The following PCDHGB7 variants were observed in gnomAD, a reference collection of about 807,000 sequenced individuals.
PCDHGB7 encodes protocadherin gamma subfamily B, 7.
Under a neutral mutation model 61.4 loss-of-function variants are expected in PCDHGB7, and 37 were observed. The observed-to-expected ratio is 0.60, with a 90% confidence interval of 0.46 to 0.79. The LOEUF is 0.79. PCDHGB7 is among the 30% of genes least tolerant of loss of function. PCDHGB7 has a pLI of 0.00. For missense variants in PCDHGB7, 1,166 were observed against 1,202.5 expected (o/e 0.97, Z 0.45); for synonymous variants, 464 against 503.5 (o/e 0.92, Z 1.05).
At position 141,476,395 on chromosome 5, in the gene PCDHGB7, T is replaced by C. The variant is rs545562470; in HGVS notation, c.2416-18412T>C. 4 of 1,614,020 alleles carry C rather than the reference T, an allele frequency of 2.5e-6. 1 individual carries two copies. In the South Asian group the frequency reaches 4.4e-5, roughly 18 times the overall value. On this transcript the variant is annotated intron_variant, in intron 1 of 3. Transcript: ENST00000398594. This position sits in a 1 kb window ranked among gnomAD's most constrained non-coding sequence, Gnocchi z 7.6. ...AGATGTTTGTGAACGACCGTCTGGATCGAGAGGAGCTGTGTGGGACACTGC... is the reference window on the plus strand; with the variant it reads ...AGATGTTTGTGAACGACCGTCTGGACCGAGAGGAGCTGTGTGGGACACTGC...
At position 141,491,798 on chromosome 5, in the gene PCDHGB7, G is replaced by A. The variant is rs1269524283; in HGVS notation, c.2416-3009G>A. 1 of 1,506,648 alleles carries A rather than the reference G, an allele frequency of 6.6e-7. No homozygotes were observed. The highest frequency in any genetic ancestry group is 8.9e-7 in the Non-Finnish European group (1 of 1,128,050). The allele number at this position is 1,506,648 out of a possible 1,614,324, so 93.3% of individuals were successfully genotyped here. ...TTGAACTTGCATCCACTCCTCTCCG[G>A]CCGGCTTGGTCGCTGGCTGCGCTCC... On this transcript the variant is annotated intron_variant, in intron 1 of 3. Coordinates refer to ENST00000398594, the MANE Select transcript of PCDHGB7 (RefSeq NM_018927.4). This position sits in a 1 kb window ranked among gnomAD's most constrained non-coding sequence, Gnocchi z 6.9.
At chr5:141,503,801 G>A (rs920669425) in intron 2 of PCDHGB7, among the ~76,000 whole-genome samples, 1 of 151,990 alleles carries the variant, frequency 6.6e-6, no homozygotes, top group Admixed American at 6.6e-5. Flanking sequence ...ACTTAGGGAC[G>A]GGGAATCCCA....
At chr5:141,499,423 GA>G (rs1229901490) in intron 2 of PCDHGB7, among the ~76,000 whole-genome samples, 3 of 151,756 alleles carry the variant, frequency 2.0e-5, no homozygotes, top group Non-Finnish European at 2.9e-5. Flanking sequence ...ATGAAAAATA[GA>G]AAAAAAATTA....
At chr5:141,494,682 C>G (rs1282135022) in intron 1 of PCDHGB7, 125 bp from the exon 2 acceptor site, 16 of 1,564,362 alleles carry the variant, frequency 1.0e-5, no homozygotes, top group African/African-American at 1.4e-5. Context: ...ACCCCTGCCC[C>G]CTCTTAGTCC....
chr5:141,491,148 G>A lies in PCDHGB7; in HGVS notation c.2416-3659G>A. The A allele has an allele frequency of 6.8e-6, 11 of 1,614,140 alleles. No homozygotes were observed. The highest frequency in any genetic ancestry group is 9.3e-6 in the Non-Finnish European group (11 of 1,179,990). The stretch of plus-strand genomic sequence containing the variant: ...TGCGCACAGCCCGGGCCTTACTGGA[G>A]GATGACTCTGACACCCAGCAGGTGG... On this transcript the variant is annotated intron_variant, in intron 1 of 3. Transcript: ENST00000398594. The surrounding 1 kb of genome is among the most constrained non-coding windows in gnomAD (Gnocchi z 6.9).
Position 141,477,283 on chromosome 5 carries a change from C to T in PCDHGB7, c.2416-17524C>T, listed in dbSNP as rs766672047. The T allele has an allele frequency of 9.3e-6, 15 of 1,614,076 alleles. No homozygotes were observed. The highest frequency in any genetic ancestry group is 2.7e-5 in the African/African-American group (2 of 74,924). On this transcript the variant is annotated intron_variant, in intron 1 of 3. Coordinates refer to ENST00000398594, the MANE Select transcript of PCDHGB7 (RefSeq NM_018927.4). The surrounding 1 kb of genome is among the most constrained non-coding windows in gnomAD (Gnocchi z 4.9). ...CTGGCGAGAACGGGCTGGTGACCTG[C>T]GAAGTTCCACCGGGTCTCCCTTTCA... is the stretch of plus-strand genomic sequence containing the variant.
chr5:141,433,352 T>C (rs976015031), intron 1 of PCDHGB7: 16 of 614,162 alleles, frequency 2.6e-5, no homozygotes, highest in Non-Finnish European at 3.7e-5. Flanking sequence ...AGCCACCTAC[T>C]GTCTGCCTAT....
At position 141,486,002 on chromosome 5, in the gene PCDHGB7, G is replaced by A. The variant is rs372373315; in HGVS notation, c.2416-8805G>A. ...CCCGGACCTGGGTCCCAGTGGTAAC[G>A]TCACCTTTTATTTCAGTGGTCATAC... On this transcript the variant is annotated intron_variant, in intron 1 of 3. Coordinates refer to ENST00000398594, the MANE Select transcript of PCDHGB7 (RefSeq NM_018927.4). The surrounding 1 kb of genome is among the most constrained non-coding windows in gnomAD (Gnocchi z 5.0). 2.0e-5 allele frequency: 33 copies of A among 1,614,030 alleles called. No homozygotes were observed. The highest frequency in any genetic ancestry group is 2.8e-5 in the Non-Finnish European group (33 of 1,180,014).
At chr5:141,467,455 GCTAGTA>G (rs2099144342) in intron 1 of PCDHGB7, among the ~76,000 whole-genome samples, 1 of 152,192 alleles carries the variant, frequency 6.6e-6, no homozygotes, top group African/African-American at 2.4e-5. Context: ...TTCTTCCAGT[GCTAGTA>G]CTTGCATGGT....
rs146860480 is a variant in PCDHGB7 at position 141,474,581 on chromosome 5, T to G, written c.2416-20226T>G. ...GGTTTTCAGAGATTAATTGAAGTGTTAAAGACATGGAAATATAGGTCACAT... is the reference window on the plus strand; with the variant it reads ...GGTTTTCAGAGATTAATTGAAGTGTGAAAGACATGGAAATATAGGTCACAT... On this transcript the variant is annotated intron_variant, in intron 1 of 3. Transcript: ENST00000398594. Among the ~76,000 whole-genome samples the G allele has an allele frequency of 7.1e-4, 108 of 152,358 alleles. No homozygotes were observed. The East Asian group carries it at 0.015, about 21-fold the overall frequency.
intron 1 of PCDHGB7, among the ~76,000 whole-genome samples, chr5:141,425,919 G>A (rs11167745): frequency 2.0e-5 from 3 of 152,174 alleles, no homozygotes; most frequent in East Asian, 1.9e-4. Flanking sequence ...CAGTCACTAC[G>A]AAAACTCATA....
At chr5:141,479,619 T>C (rs1327758222) in intron 1 of PCDHGB7, 1 of 152,220 alleles carries the variant, frequency 6.6e-6, no homozygotes, top group Non-Finnish European at 1.5e-5. Flanking sequence ...AGGGAAACCA[T>C]GTCTCTTTAA....
chr5:141,478,319 T>A, intron 1 of PCDHGB7: 4 of 1,614,052 alleles, frequency 2.5e-6, no homozygotes, highest in Non-Finnish European at 3.4e-6. Flanking sequence ...GAGCTCACTG[T>A]ACCGAACACC....
In PCDHGB7 at chr5:141,419,600, G is replaced by A. The variant is rs1304962440; in HGVS notation, c.1741G>A (p.Ala581Thr). The A allele has an allele frequency of 1.9e-6, 3 of 1,611,816 alleles. No homozygotes were observed. The highest frequency in any genetic ancestry group is 2.5e-6 in the Non-Finnish European group (3 of 1,179,632). The change falls in exon 1 of 4, where the codon GCC becomes ACC. Residue 581 changes from alanine (A) to threonine (T), a missense_variant. By Grantham distance (58) the Ala-to-Thr change is moderately conservative. Transcript: ENST00000398594. ...CGCGCTCTTCGACACAGTGCCGCGGGCCGCGCAGCCAGGCTACCTGGTGAC... is the reference window on the plus strand; with the variant it reads ...CGCGCTCTTCGACACAGTGCCGCGGACCGCGCAGCCAGGCTACCTGGTGAC... ...GSALFDTVPR[A>T]AQPGYLVTKV... is the part of the protein sequence containing the mutation.
intron 2 of PCDHGB7, among the ~76,000 whole-genome samples, chr5:141,499,884 C>T (rs917762715): frequency 2.0e-5 from 3 of 152,014 alleles, no homozygotes; most frequent in Admixed American, 6.5e-5. Flanking sequence ...AACAGGGTTT[C>T]GCCATGTTGG....
At chr5:141,428,290 C>A in intron 1 of PCDHGB7, 1 of 726,802 alleles carries the variant, frequency 1.4e-6, no homozygotes, top group Non-Finnish European at 2.4e-6. Context: ...CCAAGCAAAG[C>A]TGCAGATTTA....
chr5:141,474,188 T>C (rs1203777014), intron 1 of PCDHGB7, among the ~76,000 whole-genome samples: 1 of 152,216 alleles, frequency 6.6e-6, no homozygotes, highest in Non-Finnish European at 1.5e-5. Context: ...CTACTTACAT[T>C]TTTAAAAGCT....
intron 1 of PCDHGB7, chr5:141,430,655 G>T (rs1309165721): frequency 1.6e-5 from 17 of 1,084,938 alleles, no homozygotes; most frequent in Non-Finnish European, 2.2e-5. Flanking sequence ...TGGAAACAAC[G>T]GAGGAGCTCT....
intron 1 of PCDHGB7, among the ~76,000 whole-genome samples, chr5:141,424,923 T>C (rs1428936860): frequency 6.6e-6 from 1 of 152,186 alleles, no homozygotes; most frequent in African/African-American, 2.4e-5. Flanking sequence ...CCATAATCAA[T>C]TCAGTCAACA....
Sources: gnomAD v4.1 joint callset for allele counts (sites outside exome capture counted in the v4.1 genomes callset) on GRCh38, gnomAD v4.1.1 for gene constraint, Gnocchi (gnomAD v3.1) non-coding constraint, MANE v1.5 for transcripts, NCBI Gene and HGNC (gene_info 2026-07-23, HGNC 2026-07-21) for gene names.